NODAL: variants seen among roughly 807,000 people sequenced by gnomAD.
The protein encoded by NODAL is nodal growth differentiation factor.
NODAL carries 12 observed loss-of-function variants against 34.0 expected under a neutral mutation model. The observed-to-expected ratio is 0.35, with a 90% CI of 0.23 to 0.57. The LOEUF is 0.57. Ranked by LOEUF, NODAL falls within the 20% of genes least tolerant of loss-of-function variation. The probability of loss-of-function intolerance (pLI) is 0.83; values close to 1 mark genes in which losing one functional copy is unlikely to be tolerated. For missense variants in NODAL, 390 were observed against 444.2 expected (o/e 0.88, Z 1.10); for synonymous variants, 162 against 186.4 (o/e 0.87, Z 1.07).
chr10:70,437,241 GA>G (rs1208682806), intron 1 of NODAL, among the ~76,000 whole-genome samples: 1 of 152,152 alleles, frequency 6.6e-6, no homozygotes. Context: ...TCAGGAGTTC[GA>G]AACCAGCCTG....
chr10:70,445,087 C>T (rs190889914), upstream of NODAL, among the ~76,000 whole-genome samples: 579 of 152,180 alleles, frequency 3.8e-3, 2 homozygotes, highest in Non-Finnish European at 7.1e-3. Flanking sequence ...AAGCCAATTC[C>T]AGAACCCAGG....
chr10:70,439,188 A>G (rs1845394752), intron 1 of NODAL, among the ~76,000 whole-genome samples: 1 of 152,158 alleles, frequency 6.6e-6, no homozygotes, highest in Non-Finnish European at 1.5e-5. Context: ...TATTTTTAGT[A>G]GAGACAGGGT....
At chr10:70,440,800 G>A (rs1422843785) in intron 1 of NODAL, among the ~76,000 whole-genome samples, 1 of 152,166 alleles carries the variant, frequency 6.6e-6, no homozygotes, top group Non-Finnish European at 1.5e-5. Context: ...GCGGCTGGAG[G>A]ACCCAAGGCT....
Position 70,440,554 on chromosome 10 carries a change from C to G in NODAL, c.193+921G>C, listed in dbSNP as rs571663587. ...GCCCCAGGGAGGGCCGTCTGGCCCC[C>G]GCAGGCGGAGGGAGGCGTGGGCGGC... On this transcript the variant is annotated intron_variant, in intron 1 of 2. Transcript: ENST00000287139. Among the ~76,000 whole-genome samples, 1,100 of 152,220 alleles carry G rather than the reference C, an allele frequency of 7.2e-3. 10 individuals carry two copies. Among genetic ancestry groups the G allele is most frequent in the African/African-American group, 0.025 (1,044 of 41,556 alleles).
intron 2 of NODAL, 38 bp from the exon 3 acceptor site, chr10:70,433,126 G>A: frequency 6.2e-7 from 1 of 1,610,766 alleles, no homozygotes; most frequent in African/African-American, 1.3e-5. Context: ...TTCACATCCT[G>A]ATGGGCAGGT....
At chr10:70,447,262 T>C (rs1845498303) in intron 1 of NODAL, among the ~76,000 whole-genome samples, 1 of 152,060 alleles carries the variant, frequency 6.6e-6, no homozygotes, top group Admixed American at 6.5e-5. Context: ...TTAGTAGAGA[T>C]GGGGTTTCAG....
At chr10:70,443,095 A>AAACAACAAC (rs137898828), upstream of NODAL, among the ~76,000 whole-genome samples, 1 of 151,634 alleles carries the variant, frequency 6.6e-6, no homozygotes, top group African/African-American at 2.4e-5. Flanking sequence ...TCAAAAAACA[A>AAACAACAAC]AACAACAACA....
At chr10:70,436,433 C>T (rs992030152) in intron 1 of NODAL, 18 of 251,018 alleles carry the variant, frequency 7.2e-5, no homozygotes, top group Middle Eastern at 1.5e-3. Context: ...ATTAGCTGGG[C>T]GTGGTGGTTT....
intron 1 of NODAL, among the ~76,000 whole-genome samples, chr10:70,441,103 C>G (rs1845424649): frequency 6.6e-6 from 1 of 152,276 alleles, no homozygotes; most frequent in Non-Finnish European, 1.5e-5. Flanking sequence ...CCTACAGATG[C>G]GCAGACCCAG....
At chr10:70,439,940 C>G (rs1373573394) in intron 1 of NODAL, among the ~76,000 whole-genome samples, 1 of 152,194 alleles carries the variant, frequency 6.6e-6, no homozygotes, top group Non-Finnish European at 1.5e-5. Flanking sequence ...GGCGCAGTGG[C>G]GCGCGCCTGT....
rs547097082 is a variant in NODAL at position 70,447,717 on chromosome 10, G to A, written c.28+207C>T. ...AAATCAACAAGCAAAATAAAGCATC[G>A]TAGAGCAGTTGTCTAAACTCTCTTC... On this transcript the variant is annotated intron_variant, in intron 1 of 2. Coordinates refer to the NODAL transcript ENST00000414871. Among the ~76,000 whole-genome samples, 14 of 147,922 alleles carry A rather than the reference G, an allele frequency of 9.5e-5. No homozygotes were observed. The East Asian group carries it at 1.4e-3, about 15-fold the overall frequency.
intron 1 of NODAL, among the ~76,000 whole-genome samples, chr10:70,446,994 A>G (rs909412214): frequency 1.3e-5 from 2 of 151,780 alleles, no homozygotes; most frequent in African/African-American, 4.8e-5. Context: ...CTACTCATCT[A>G]TCAAGACACA....
upstream of NODAL, among the ~76,000 whole-genome samples, chr10:70,445,351 G>C (rs1275934137): frequency 6.6e-6 from 1 of 152,128 alleles, no homozygotes; most frequent in Non-Finnish European, 1.5e-5. Context: ...TCCGCCTCCT[G>C]GGTTCACGCC....
rs1486992639 is a variant in NODAL, at chr10:70,433,066, G to T, written c.914C>A (p.Pro305His). The T allele has an allele frequency of 7.4e-6, 12 of 1,613,876 alleles. No individual in the cohort carries two copies. Among genetic ancestry groups the T allele is most frequent in the African/African-American group, 2.7e-5 (2 of 74,850 alleles). Residue 305 changes from proline to histidine, a missense_variant, in exon 3 of 3, where the codon CCC (proline) becomes CAC (histidine). Pro to His is a moderately conservative substitution (Grantham distance 77). Coordinates refer to ENST00000287139, the MANE Select transcript of NODAL (RefSeq NM_018055.5). ...ACAACAAGTGGAAGGGACTCGGTGGGGCTGGTAACGTTTCAGCAGACTCTG... is the reference window on the plus strand; with the variant it reads ...ACAACAAGTGGAAGGGACTCGGTGGTGCTGGTAACGTTTCAGCAGACTCTG... Reference protein sequence around the residue: ...YIQSLLKRYQPHRVPSTCCAP... With the variant: ...YIQSLLKRYQHHRVPSTCCAP...
upstream of NODAL, among the ~76,000 whole-genome samples, chr10:70,444,713 C>T: frequency 6.6e-6 from 1 of 152,160 alleles, no homozygotes; most frequent in African/African-American, 2.4e-5. Context: ...TACATTGTTT[C>T]CTCATCTGCA....
Position 70,435,363 on chromosome 10 carries a change from T to C in NODAL, c.814A>G (p.Asn272Asp), listed in dbSNP as rs1264497080. Reference protein sequence around the residue: ...GSWIIYPKQYNAYRCEGECPN... With the variant: ...GSWIIYPKQYDAYRCEGECPN... ...CACTCGCCCTCACAGCGATAGGCGT[T>C]GTACTGCTTGGGGTAGATGATCCAG... The change falls in exon 2 of 3, where the codon AAC becomes GAC. Residue 272 changes from asparagine to aspartate, a missense_variant. Asn to Asp is a conservative substitution (Grantham distance 23). Coordinates refer to ENST00000287139, the MANE Select transcript of NODAL (RefSeq NM_018055.5). 4.3e-6 allele frequency: 7 copies of C among 1,614,120 alleles called. No individual in the cohort carries two copies. The highest frequency in any genetic ancestry group is 2.5e-6 in the Non-Finnish European group (3 of 1,180,020).
At chr10:70,441,735 C>T, upstream of NODAL, 2 of 1,480,982 alleles carry the variant, frequency 1.4e-6, no homozygotes, top group Non-Finnish European at 1.8e-6. Flanking sequence ...AGCCGCCCCG[C>T]CCCCACCTTT....
chr10:70,447,239 A>G (rs1290325110), intron 1 of NODAL, among the ~76,000 whole-genome samples: 6 of 151,934 alleles, frequency 3.9e-5, no homozygotes, highest in Admixed American at 6.6e-5. Flanking sequence ...AGGCCTGGCT[A>G]ATTTTTGTAT....
rs1301757886 is a variant in NODAL at position 70,432,608 on chromosome 10, C to CG, written c.*327dup. On this transcript the variant is annotated 3_prime_UTR_variant, in exon 3 of 3. Coordinates refer to ENST00000287139, the MANE Select transcript of NODAL (RefSeq NM_018055.5). ...ATGTCTCAACTTTCACATACAGTTT[C>CG]GGGGGGTTCACAGGTTTTTAAAAAA... 3 of 387,704 alleles carry CG rather than the reference C, an allele frequency of 7.7e-6. No homozygotes were observed. The highest frequency in any genetic ancestry group is 6.2e-5 in the African/African-American group (3 of 48,234). The allele number at this position is 387,704 out of a possible 1,614,324, so 24.0% of individuals were successfully genotyped here.
Sources: allele counts gnomAD v4.1 joint callset (sites outside exome capture counted in the v4.1 genomes callset), GRCh38; gene constraint gnomAD v4.1.1; transcripts MANE v1.5; gene names NCBI Gene and HGNC (gene_info 2026-07-23, HGNC 2026-07-21).